The following SPATA31H1 variants were observed in gnomAD, a reference collection of about 807,000 sequenced individuals.
SPATA31H1 encodes the protein spermatogenesis-associated protein 31H1.
chr2:27,549,963 G>A, the SPATA31H1 span, among the ~76,000 whole-genome samples: 1 of 151,774 alleles, frequency 6.6e-6, no homozygotes, highest in Non-Finnish European at 1.5e-5. Flanking sequence ...AGCCTTAAAT[G>A]TCATTTTCTA....
the SPATA31H1 span, among the ~76,000 whole-genome samples, chr2:27,553,899 G>A: frequency 6.6e-6 from 1 of 151,740 alleles, no homozygotes; most frequent in Non-Finnish European, 1.5e-5. Context: ...TCCAGCCTGG[G>A]CAACAAGAAA....
chr2:27,582,498 C>T, the SPATA31H1 span: 12 of 1,610,726 alleles, frequency 7.5e-6, no homozygotes, highest in Non-Finnish European at 1.0e-5. Context: ...CAAAGCAGGG[C>T]AAGTGTGGAG....
chr2:27,541,264 G>A, the SPATA31H1 span, among the ~76,000 whole-genome samples: 1 of 151,842 alleles, frequency 6.6e-6, no homozygotes, highest in Non-Finnish European at 1.5e-5. Context: ...GCGTGGCGGC[G>A]AGCGCCTGCA....
At chr2:27,575,001 C>A in the SPATA31H1 span, 10 of 398,408 alleles carry the variant, frequency 2.5e-5, no homozygotes, top group African/African-American at 1.6e-4. This position sits in a 1 kb window ranked among gnomAD's most constrained non-coding sequence, Gnocchi z 4.1. Flanking sequence ...TACAAAGGTA[C>A]AGGATAGGAC....
chr2:27,577,069 G>T, the SPATA31H1 span: 3,437 of 1,614,132 alleles, frequency 2.1e-3, 4 homozygotes, highest in Non-Finnish European at 2.7e-3. The surrounding 1 kb of genome is among the most constrained non-coding windows in gnomAD (Gnocchi z 4.5). Flanking sequence ...ATGGCACAAG[G>T]ATTGGCATAT....
chr2:27,573,250 A>T, the SPATA31H1 span: 11 of 398,352 alleles, frequency 2.8e-5, no homozygotes, highest in Non-Finnish European at 4.9e-5. Context: ...CAGTTGCAGA[A>T]AGGGAAAATT....
chr2:27,570,622 C>T, the SPATA31H1 span: 2 of 398,760 alleles, frequency 5.0e-6, no homozygotes, highest in Non-Finnish European at 8.8e-6. Context: ...GGAACTCAAC[C>T]TCAAGGTGTG....
the SPATA31H1 span, chr2:27,581,426 C>G: frequency 1.2e-6 from 2 of 1,613,510 alleles, no homozygotes; most frequent in Non-Finnish European, 1.7e-6. Context: ...GCAGTCCCCC[C>G]GAGAGGAGCT....
chr2:27,566,190 T>G, the SPATA31H1 span: 1 of 711,900 alleles, frequency 1.4e-6, no homozygotes. Flanking sequence ...TCCTTCACTG[T>G]GATAGCTTTC....
the SPATA31H1 span, among the ~76,000 whole-genome samples, chr2:27,552,635 T>C: frequency 6.6e-6 from 1 of 151,984 alleles, no homozygotes; most frequent in Non-Finnish European, 1.5e-5. Context: ...GCTATTGGGA[T>C]TTTGATAGGG....
chr2:27,564,762 C>G, the SPATA31H1 span, among the ~76,000 whole-genome samples: 1 of 151,844 alleles, frequency 6.6e-6, no homozygotes, highest in East Asian at 1.9e-4. Context: ...GAGATGGCAC[C>G]ACTGCACTCC....
At chr2:27,564,967 C>T in the SPATA31H1 span, among the ~76,000 whole-genome samples, 2 of 152,028 alleles carry the variant, frequency 1.3e-5, no homozygotes, top group African/African-American at 4.8e-5. Flanking sequence ...GTCAGCCTAG[C>T]ATCTCCCACT....
At chr2:27,537,744 A>G in the SPATA31H1 span, among the ~76,000 whole-genome samples, 1 of 152,170 alleles carries the variant, frequency 6.6e-6, no homozygotes, top group African/African-American at 2.4e-5. Flanking sequence ...ATTCATTTCA[A>G]CAGACCTAGA....
chr2:27,551,501 A>G, the SPATA31H1 span, among the ~76,000 whole-genome samples: 1 of 152,174 alleles, frequency 6.6e-6, no homozygotes, highest in East Asian at 1.9e-4. Context: ...GGAGAGAGAG[A>G]TTTTAAGAAA....
At chr2:27,576,819 T>A in the SPATA31H1 span, 1 of 1,614,000 alleles carries the variant, frequency 6.2e-7, no homozygotes. Flanking sequence ...ATCTTCAGTG[T>A]CTCTGCAGCA....
At chr2:27,573,257 A>C in the SPATA31H1 span, 1 of 398,172 alleles carries the variant, frequency 2.5e-6, no homozygotes, top group Non-Finnish European at 4.4e-6. Flanking sequence ...AGAAAGGGAA[A>C]ATTCTGGCGT....
At chr2:27,580,957 G>A in the SPATA31H1 span, 3 of 1,614,214 alleles carry the variant, frequency 1.9e-6, no homozygotes, top group Non-Finnish European at 1.7e-6. Flanking sequence ...GATTCCCAAA[G>A]TGGTATTGCT....
At chr2:27,556,030 G>A in the SPATA31H1 span, among the ~76,000 whole-genome samples, 1 of 151,116 alleles carries the variant, frequency 6.6e-6, no homozygotes, top group Non-Finnish European at 1.5e-5. Flanking sequence ...TACTTGGGAA[G>A]CTGAGGCAGA....
the SPATA31H1 span, chr2:27,566,007 GT>G: frequency 3.2e-5 from 23 of 717,164 alleles, no homozygotes; most frequent in South Asian, 3.0e-4. Flanking sequence ...ATCATCAATA[GT>G]CATGAGGCTG....
Sources: allele counts gnomAD v4.1 joint callset (sites outside exome capture counted in the v4.1 genomes callset), GRCh38; gene constraint gnomAD v4.1.1; non-coding constraint Gnocchi (gnomAD v3.1); transcripts MANE v1.5; gene names NCBI Gene and HGNC (gene_info 2026-07-23, HGNC 2026-07-21).